PLPP3: variants seen among roughly 807,000 people sequenced by gnomAD.
PLPP3 encodes the protein phospholipid phosphatase 3.
A neutral mutation model predicts 29.6 loss-of-function variants in PLPP3; 6 were observed. The ratio of observed to expected loss-of-function variants is 0.20; its 90% CI spans 0.11 to 0.40. The LOEUF (loss-of-function observed/expected upper bound fraction) is 0.40, where lower values mean the gene tolerates loss of function less well. Among genes scored for constraint, PLPP3 ranks in the 10% least tolerant of loss-of-function variants. The pLI, the probability that PLPP3 is intolerant of heterozygous loss-of-function variation, is 1.00. For missense variants in PLPP3, 308 were observed against 407.7 expected (o/e 0.76, Z 2.11); for synonymous variants, 152 against 159.7 (o/e 0.95, Z 0.36).
intron 1 of PLPP3, among the ~76,000 whole-genome samples, chr1:56,575,523 T>A (rs1000303175): frequency 6.6e-6 from 1 of 152,202 alleles, no homozygotes; most frequent in Non-Finnish European, 1.5e-5. Context: ...AACTTTATTT[T>A]TCTGCTTTGG....
At chr1:56,574,119 G>A (rs1646218877) in intron 1 of PLPP3, among the ~76,000 whole-genome samples, 1 of 151,186 alleles carries the variant, frequency 6.6e-6, no homozygotes, top group Admixed American at 6.6e-5. Context: ...AGAATCGCTT[G>A]AATCCGGGAG....
chr1:56,506,145 T>C (rs1255823913), intron 5 of PLPP3, among the ~76,000 whole-genome samples: 3 of 152,206 alleles, frequency 2.0e-5, no homozygotes, highest in African/African-American at 7.2e-5. Context: ...AGGGAATAGA[T>C]GGGACTCTCT....
chr1:56,542,589 C>G (rs550070917), intron 1 of PLPP3, among the ~76,000 whole-genome samples: 2 of 152,038 alleles, frequency 1.3e-5, no homozygotes, highest in African/African-American at 4.8e-5. Flanking sequence ...TTATAAAATA[C>G]GTGAAGTCCA....
At chr1:56,548,780 G>T (rs1382187669) in intron 1 of PLPP3, among the ~76,000 whole-genome samples, 1 of 152,078 alleles carries the variant, frequency 6.6e-6, no homozygotes, top group African/African-American at 2.4e-5. Context: ...CAGCCAGCTG[G>T]CATGCAATAC....
intron 2 of PLPP3, among the ~76,000 whole-genome samples, chr1:56,533,213 C>G (rs377073932): frequency 6.6e-6 from 1 of 152,078 alleles, no homozygotes; most frequent in African/African-American, 2.4e-5. Flanking sequence ...TGCCACCAAG[C>G]CCAGCTTATT....
intron 1 of PLPP3, among the ~76,000 whole-genome samples, chr1:56,561,762 C>A (rs1357114214): frequency 2.0e-5 from 3 of 151,950 alleles, no homozygotes; most frequent in Admixed American, 2.0e-4. Flanking sequence ...TGGCTGAGCA[C>A]GGTGGCTCAC....
At chr1:56,533,848 T>C (rs1383403249) in intron 2 of PLPP3, among the ~76,000 whole-genome samples, 1 of 152,210 alleles carries the variant, frequency 6.6e-6, no homozygotes, top group Non-Finnish European at 1.5e-5. Context: ...AGCACTCAAG[T>C]TGGGACATGT....
intron 1 of PLPP3, among the ~76,000 whole-genome samples, chr1:56,557,027 AG>A (rs1357955080): frequency 1.4e-3 from 17 of 12,364 alleles, no homozygotes; most frequent in South Asian, 2.9e-3. Context: ...AGAGAGAGAA[AG>A]AGAGAGAGAG....
intron 5 of PLPP3, among the ~76,000 whole-genome samples, chr1:56,508,862 A>G (rs56198059): frequency 0.19 from 29,349 of 152,074 alleles, 3,032 homozygotes; most frequent in Middle Eastern, 0.25. Flanking sequence ...TCTCTCCTCA[A>G]TCCAGGGTCC....
chr1:56,573,374 G>A (rs17114127), intron 1 of PLPP3, among the ~76,000 whole-genome samples: 3,763 of 152,236 alleles, frequency 0.025, 104 homozygotes, highest in East Asian at 0.13. Flanking sequence ...AAAGACAGGT[G>A]CACTGGTCAC....
chr1:56,522,447 T>C (rs955093205), intron 4 of PLPP3, among the ~76,000 whole-genome samples: 8 of 152,158 alleles, frequency 5.3e-5, no homozygotes, highest in African/African-American at 1.9e-4. Flanking sequence ...CAGCCCTGGG[T>C]AAAATACACA....
intron 5 of PLPP3, among the ~76,000 whole-genome samples, chr1:56,507,370 C>T (rs1349393689): frequency 6.6e-6 from 1 of 152,202 alleles, no homozygotes; most frequent in Non-Finnish European, 1.5e-5. Context: ...CCTGAAGCCA[C>T]AAGCTAATTC....
chr1:56,509,975 C>A (rs1645729274), intron 5 of PLPP3, among the ~76,000 whole-genome samples: 1 of 152,032 alleles, frequency 6.6e-6, no homozygotes, highest in Non-Finnish European at 1.5e-5. Context: ...CAAGTCAGAA[C>A]CTTCATTTCA....
chr1:56,544,617 T>C (rs1349527201), intron 1 of PLPP3, among the ~76,000 whole-genome samples: 2 of 152,210 alleles, frequency 1.3e-5, no homozygotes, highest in Non-Finnish European at 2.9e-5. Context: ...AGAGAGGTTG[T>C]AATTTGTTTC....
intron 1 of PLPP3, among the ~76,000 whole-genome samples, chr1:56,555,524 G>A (rs1646071178): frequency 1.4e-5 from 2 of 144,702 alleles, no homozygotes; most frequent in African/African-American, 2.6e-5. Flanking sequence ...GAGAAAAATC[G>A]ATGATAAGTA....
intron 1 of PLPP3, among the ~76,000 whole-genome samples, chr1:56,546,966 A>G (rs1211568842): frequency 1.3e-5 from 2 of 152,244 alleles, no homozygotes; most frequent in Non-Finnish European, 2.9e-5. Context: ...CACTAATTCT[A>G]AAGAATAAAA....
intron 1 of PLPP3, among the ~76,000 whole-genome samples, chr1:56,539,511 C>A (rs1424395230): frequency 6.6e-6 from 1 of 152,204 alleles, no homozygotes; most frequent in African/African-American, 2.4e-5. Context: ...GCTAGAACAA[C>A]AATTTACTTT....
In PLPP3 at chr1:56,495,750, C is replaced by G. The variant is rs1255140563; in HGVS notation, c.*801G>C. 6.6e-6 allele frequency: 1 copy of G among 152,624 alleles called. No homozygotes were observed. The highest frequency in any genetic ancestry group is 6.5e-5 in the Admixed American group (1 of 15,284). 9.5% of individuals were successfully genotyped at this position (152,624 alleles called of 1,614,324 possible). A position where few individuals can be genotyped will look rare whatever the true frequency, so the allele number is the denominator to read the frequency against. On this transcript the variant is annotated 3_prime_UTR_variant, in exon 6 of 6. Coordinates refer to ENST00000371250, the MANE Select transcript of PLPP3 (RefSeq NM_003713.5). ...CAAGGGAGAAGGCAGTAACCGAAGT[C>G]GAACTGTTTCTAAGAGTATGCAAGT...
intron 1 of PLPP3, among the ~76,000 whole-genome samples, chr1:56,576,849 T>G (rs1557519347): frequency 6.6e-6 from 1 of 152,184 alleles, no homozygotes. Flanking sequence ...ACACCTTCAA[T>G]GTACAACAGA....
Sources: gnomAD v4.1 joint callset for allele counts (sites outside exome capture counted in the v4.1 genomes callset) on GRCh38, gnomAD v4.1.1 for gene constraint, MANE v1.5 for transcripts, NCBI Gene and HGNC (gene_info 2026-07-23, HGNC 2026-07-21) for gene names.